Variants in SCML2 observed in about 807,000 individuals in gnomAD.
SCML2 encodes sex comb on midleg-like protein 2.
A neutral mutation model predicts 48.4 loss-of-function variants in SCML2; 6 were observed. The observed-to-expected ratio is 0.12, with a 90% confidence interval of 0.07 to 0.24. The LOEUF (loss-of-function observed/expected upper bound fraction) is 0.24. Ranked by LOEUF, SCML2 falls within the 10% of genes least tolerant of loss-of-function variation. The pLI is 1.00. For missense variants in SCML2, 377 were observed against 528.2 expected, an observed-to-expected ratio of 0.71 and a Z score of 2.81; for synonymous variants, 181 against 189.5, an observed-to-expected ratio of 0.95 and a Z score of 0.37.
intron 8 of SCML2, among the ~76,000 whole-genome samples, chrX:18,262,916 A>G (rs1927124124): frequency 9.4e-6 from 1 of 105,852 alleles, no homozygotes; most frequent in Admixed American, 9.8e-5. Flanking sequence ...GGGTTTTGCC[A>G]TGTTGCCCAG....
At chrX:18,268,895 A>G (rs1450439234) in intron 7 of SCML2, among the ~76,000 whole-genome samples, 1 of 111,244 alleles carries the variant, frequency 9.0e-6, no homozygotes, top group Non-Finnish European at 1.9e-5. Flanking sequence ...TCTCTCCTCA[A>G]TATTTGATCA....
intron 1 of SCML2, among the ~76,000 whole-genome samples, chrX:18,349,988 C>T (rs1930322254): frequency 8.9e-6 from 1 of 112,225 alleles, no homozygotes; most frequent in Admixed American, 9.4e-5. Flanking sequence ...ATTGGCAGGG[C>T]GAGGTGGCTC....
rs772670145 is a variant in SCML2, at chrX:18,242,599, G to T, written c.1823-9C>A. 8.3e-7 allele frequency: 1 copy of T among 1,199,734 alleles called. No individual in the cohort carries two copies. Among genetic ancestry groups the T allele is most frequent in the East Asian group, 3.0e-5 (1 of 33,460 alleles). ...AGCTATATAACTTGGAGCTTCAATG[G>T]GGGGGAAAAAAGACAAATCATACTT... On this transcript the variant is annotated splice_polypyrimidine_tract_variant and intron_variant, in intron 13 of 14. Transcript: ENST00000251900.
chrX:18,325,885 G>A (rs1602138224), intron 3 of SCML2, among the ~76,000 whole-genome samples: 1 of 111,820 alleles, frequency 8.9e-6, no homozygotes. Context: ...AAGAATCTAC[G>A]TTTACCAGCT....
intron 7 of SCML2, among the ~76,000 whole-genome samples, chrX:18,275,947 G>T (rs1483120343): frequency 8.9e-6 from 1 of 112,434 alleles, no homozygotes; most frequent in South Asian, 3.7e-4. Flanking sequence ...AGGATGTGGA[G>T]AAATCAGGAC....
chrX:18,279,558 G>A (rs777244466), intron 7 of SCML2, among the ~76,000 whole-genome samples: 12 of 112,156 alleles, frequency 1.1e-4, no homozygotes, highest in South Asian at 3.7e-4. Context: ...TTCAGAATCC[G>A]GATGCGCAAG....
chrX:18,264,182 A>C (rs771860426), intron 8 of SCML2, among the ~76,000 whole-genome samples: 1 of 110,417 alleles, frequency 9.1e-6, no homozygotes, highest in South Asian at 3.8e-4. Flanking sequence ...TGGACCTTTG[A>C]TATTATCTAA....
Position 18,282,809 on chromosome X carries a change from T to A in SCML2, c.731-17007A>T, listed in dbSNP as rs188828102. Among the ~76,000 whole-genome samples, 20 of 111,340 alleles carry A rather than the reference T, an allele frequency of 1.8e-4. No homozygotes were observed. In the East Asian group the frequency reaches 2.8e-3, roughly 16 times the overall value. ...GAAATTGAATCAGTAATAAAAAACC[T>A]GCCAACCAAAAGAAGCCCCAGAACA... On this transcript the variant is annotated intron_variant, in intron 7 of 14. Transcript: ENST00000251900.
rs191320264 is a variant in SCML2 at position 18,341,168 on chromosome X, G to T, written c.-24-7073C>A. 132 of 353,739 alleles carry T rather than the reference G, an allele frequency of 3.7e-4. 1 individual carries two copies. In the Admixed American group the frequency reaches 5.9e-3, roughly 16 times the overall value. The allele number at this position is 353,739 out of a possible 1,213,427, so 29.2% of individuals were successfully genotyped here. On this transcript the variant is annotated intron_variant, in intron 1 of 14. Transcript: ENST00000251900. ...ATGCGGAAGGGAGCACTGGTCCCCA[G>T]CCCCAGGCCAAGAGCCTTGGTTTGC... is the stretch of plus-strand genomic sequence containing the variant.
At chrX:18,286,416 A>C (rs938042086) in intron 7 of SCML2, among the ~76,000 whole-genome samples, 1 of 112,160 alleles carries the variant, frequency 8.9e-6, no homozygotes, top group Non-Finnish European at 1.9e-5. Context: ...AGTGACCTTT[A>C]GAATCCTCAC....
intron 7 of SCML2, among the ~76,000 whole-genome samples, chrX:18,280,703 C>T (rs947292460): frequency 4.9e-4 from 55 of 111,398 alleles, no homozygotes; most frequent in African/African-American, 1.7e-3. Context: ...GAACAGGAGT[C>T]GCTATTCTTA....
chrX:18,270,451 G>A (rs747918797), intron 7 of SCML2, among the ~76,000 whole-genome samples: 7 of 111,087 alleles, frequency 6.3e-5, no homozygotes, highest in Middle Eastern at 4.7e-3. Context: ...GTCCAGTGCC[G>A]ACATGCAGGA....
chrX:18,335,980 T>C (rs1386945195), intron 1 of SCML2, among the ~76,000 whole-genome samples: 2 of 111,835 alleles, frequency 1.8e-5, no homozygotes, highest in Non-Finnish European at 3.8e-5. Context: ...TTTCAAGACA[T>C]AGTATAAGGC....
chrX:18,309,749 A>C (rs1489185064), intron 6 of SCML2, among the ~76,000 whole-genome samples: 1 of 111,432 alleles, frequency 9.0e-6, no homozygotes, highest in Non-Finnish European at 1.9e-5. Context: ...GTGAACAACA[A>C]ACACCAGGGC....
At chrX:18,301,689 A>G (rs780231570) in intron 7 of SCML2, among the ~76,000 whole-genome samples, 29 of 111,073 alleles carry the variant, frequency 2.6e-4, no homozygotes, top group African/African-American at 9.2e-4. Context: ...AAGAGGATCA[A>G]TTGCTTGCAC....
intron 1 of SCML2, among the ~76,000 whole-genome samples, chrX:18,347,911 A>G: frequency 9.0e-6 from 1 of 110,840 alleles, no homozygotes; most frequent in South Asian, 3.8e-4. Context: ...CCAACAAATT[A>G]GTAATTAATC....
chrX:18,320,222 C>T, intron 6 of SCML2, 110 bp downstream of exon 6: 1 of 454,531 alleles, frequency 2.2e-6, no homozygotes, highest in Non-Finnish European at 3.6e-6. Context: ...ACTTGCCAAT[C>T]CAGTAATTTT....
chrX:18,302,131 A>ACTTTTT (rs1231172247), intron 7 of SCML2, among the ~76,000 whole-genome samples: 7 of 110,343 alleles, frequency 6.3e-5, no homozygotes, highest in African/African-American at 2.0e-4. Context: ...TTGGGAAACC[A>ACTTTTT]CTTTTTCTTT....
At chrX:18,243,963 GC>G (rs1375471313) in intron 13 of SCML2, among the ~76,000 whole-genome samples, 1 of 111,847 alleles carries the variant, frequency 8.9e-6, no homozygotes, top group Non-Finnish European at 1.9e-5. Context: ...CTGGACTATG[GC>G]CATTTTAGAA....
Sources: gnomAD v4.1 joint callset for allele counts (sites outside exome capture counted in the v4.1 genomes callset) on GRCh38, gnomAD v4.1.1 for gene constraint, MANE v1.5 for transcripts, NCBI Gene and HGNC (gene_info 2026-07-23, HGNC 2026-07-21) for gene names.